Variants in BICC1 observed in about 807,000 individuals in gnomAD.
BICC1 encodes the protein protein bicaudal C homolog 1.
Under a neutral mutation model 111.0 loss-of-function variants are expected in BICC1, and 43 were observed. That is an observed-to-expected ratio of 0.39 (90% CI 0.30 to 0.50). The LOEUF (loss-of-function observed/expected upper bound fraction) is 0.50, where lower values mean the gene tolerates loss of function less well. Among genes scored for constraint, BICC1 ranks in the 20% least tolerant of loss-of-function variants. The pLI is 0.88. For synonymous variants in BICC1, 467 were observed against 434.4 expected, an observed-to-expected ratio of 1.07 and a Z score of -0.93; for missense variants, 1,091 against 1,203.2, an observed-to-expected ratio of 0.91 and a Z score of 1.38.
intron 1 of BICC1, among the ~76,000 whole-genome samples, chr10:58,528,295 G>A (rs1316238883): frequency 2.0e-5 from 3 of 151,860 alleles, no homozygotes; most frequent in Non-Finnish European, 4.4e-5. Flanking sequence ...TAGGCCGTAT[G>A]TAGAATGTTT....
At chr10:58,803,442 A>G (rs1036861869) in intron 15 of BICC1, among the ~76,000 whole-genome samples, 200 bp downstream of exon 15, 1 of 152,238 alleles carries the variant, frequency 6.6e-6, no homozygotes, top group Non-Finnish European at 1.5e-5. Flanking sequence ...TTAAGTGAGA[A>G]TTCTTTAAAA....
intron 9 of BICC1, among the ~76,000 whole-genome samples, chr10:58,794,350 T>C (rs969890941): frequency 6.6e-6 from 1 of 152,104 alleles, no homozygotes; most frequent in Non-Finnish European, 1.5e-5. Flanking sequence ...TCAGCGTTCT[T>C]GGAATCTCTC....
At chr10:58,553,671 C>G (rs1843361098) in intron 1 of BICC1, among the ~76,000 whole-genome samples, 1 of 152,064 alleles carries the variant, frequency 6.6e-6, no homozygotes, top group African/African-American at 2.4e-5. Flanking sequence ...AATTAGTCTT[C>G]TGAAATGTTT....
At chr10:58,780,255 G>T (rs907027641) in intron 3 of BICC1, among the ~76,000 whole-genome samples, 2 of 152,150 alleles carry the variant, frequency 1.3e-5, no homozygotes, top group African/African-American at 2.4e-5. Context: ...ATCCAGATTT[G>T]AAGCCATTTA....
intron 1 of BICC1, among the ~76,000 whole-genome samples, chr10:58,528,370 G>A (rs1006619017): frequency 2.4e-4 from 37 of 151,988 alleles, no homozygotes; most frequent in African/African-American, 7.7e-4. Context: ...TAATTCAAGC[G>A]AGGTTAATGT....
intron 16 of BICC1, 131 bp from the exon 17 acceptor site, chr10:58,806,873 C>T (rs143408487): frequency 6.0e-5 from 52 of 860,382 alleles, no homozygotes; most frequent in Non-Finnish European, 8.6e-5. Flanking sequence ...TATTTTTAGA[C>T]ATTTTGTGTT....
intron 2 of BICC1, among the ~76,000 whole-genome samples, chr10:58,694,052 C>A (rs1284781315): frequency 6.6e-6 from 1 of 152,126 alleles, no homozygotes; most frequent in African/African-American, 2.4e-5. Context: ...ATAAATGTAT[C>A]TTCACTAAGT....
intron 2 of BICC1, among the ~76,000 whole-genome samples, chr10:58,676,085 A>G (rs1839331058): frequency 6.6e-6 from 1 of 152,204 alleles, no homozygotes; most frequent in Non-Finnish European, 1.5e-5. Flanking sequence ...GGATGGTGCT[A>G]TCTGGCCCAG....
chr10:58,730,419 C>T (rs1233642058), intron 3 of BICC1, among the ~76,000 whole-genome samples: 1 of 152,118 alleles, frequency 6.6e-6, no homozygotes, highest in Non-Finnish European at 1.5e-5. Flanking sequence ...GTGCCTGTGG[C>T]TTTTCCAGTG....
chr10:58,732,342 A>G, intron 3 of BICC1, among the ~76,000 whole-genome samples: 2 of 128,888 alleles, frequency 1.6e-5, no homozygotes, highest in Non-Finnish European at 3.2e-5. Context: ...AAAGAAGAGG[A>G]AGAGGAGTGT....
At chr10:58,789,615 T>C (rs1455705524) in intron 7 of BICC1, 67 bp from the exon 8 acceptor site, 2 of 1,575,394 alleles carry the variant, frequency 1.3e-6, no homozygotes, top group Non-Finnish European at 1.7e-6. Flanking sequence ...AGAAATGCAA[T>C]AGAATCTTTC....
intron 3 of BICC1, among the ~76,000 whole-genome samples, chr10:58,721,613 A>G (rs1840942704): frequency 6.6e-6 from 1 of 152,222 alleles, no homozygotes; most frequent in East Asian, 1.9e-4. Flanking sequence ...AGTGGAACAT[A>G]GGCACTTGAA....
chr10:58,759,747 C>G (rs888563984), intron 3 of BICC1, among the ~76,000 whole-genome samples: 1 of 151,966 alleles, frequency 6.6e-6, no homozygotes. Flanking sequence ...ATCACGAGGT[C>G]AGGAGATCGA....
intron 19 of BICC1, among the ~76,000 whole-genome samples, chr10:58,819,202 A>G (rs1844184170): frequency 6.6e-6 from 1 of 152,172 alleles, no homozygotes; most frequent in Admixed American, 6.6e-5. Context: ...CACAAAGCCT[A>G]AAATATTTAC....
chr10:58,788,295 G>A (rs1843069818), intron 5 of BICC1, 75 bp from the exon 6 acceptor site: 2 of 1,089,560 alleles, frequency 1.8e-6, no homozygotes, highest in Admixed American at 3.7e-5. Context: ...TTAGTAGCAA[G>A]CATATAGATG....
At chr10:58,515,710 C>T (rs1055296407) in intron 1 of BICC1, among the ~76,000 whole-genome samples, 47 of 152,278 alleles carry the variant, frequency 3.1e-4, no homozygotes, top group African/African-American at 1.0e-3. Flanking sequence ...GTTGCTAGGC[C>T]TCTCTTTGCC....
intron 1 of BICC1, among the ~76,000 whole-genome samples, chr10:58,575,160 T>C (rs1164283627): frequency 6.6e-6 from 1 of 152,076 alleles, no homozygotes; most frequent in Non-Finnish European, 1.5e-5. Flanking sequence ...TAGGTATTTG[T>C]CCTAATGCTC....
intron 14 of BICC1, among the ~76,000 whole-genome samples, chr10:58,801,552 C>T (rs1039402943): frequency 6.9e-6 from 1 of 145,466 alleles, no homozygotes. Flanking sequence ...TTAAATATAA[C>T]TCTTCCTTAC....
intron 8 of BICC1, among the ~76,000 whole-genome samples, chr10:58,793,005 C>G (rs1286437907): frequency 6.6e-6 from 1 of 152,098 alleles, no homozygotes; most frequent in African/African-American, 2.4e-5. Flanking sequence ...GGAAGACATA[C>G]AGATATAAAT....
Sources: gnomAD v4.1 joint callset for allele counts (sites outside exome capture counted in the v4.1 genomes callset) on GRCh38, gnomAD v4.1.1 for gene constraint, MANE v1.5 for transcripts, NCBI Gene and HGNC (gene_info 2026-07-23, HGNC 2026-07-21) for gene names.